The following SEMA4B variants were observed in gnomAD, a reference collection of about 807,000 sequenced individuals.
SEMA4B encodes the protein semaphorin-4B.
SEMA4B carries 55 observed loss-of-function variants against 88.1 expected under a neutral mutation model. The ratio of observed to expected loss-of-function variants is 0.62; its 90% CI spans 0.50 to 0.78. The LOEUF (loss-of-function observed/expected upper bound fraction) is 0.78. Among genes scored for constraint, SEMA4B ranks in the 30% least tolerant of loss-of-function variants. The pLI is 0.00. For missense variants in SEMA4B, 1,062 were observed against 1,111.9 expected (o/e 0.96, Z 0.64); for synonymous variants, 525 against 473.6 (o/e 1.11, Z -1.41).
intron 1 of SEMA4B, among the ~76,000 whole-genome samples, chr15:90,195,909 C>T (rs1960484605): frequency 1.4e-5 from 2 of 143,680 alleles, no homozygotes; most frequent in Admixed American, 7.1e-5. Flanking sequence ...TGGGCCCAGC[C>T]TGTTTTGTAC....
At chr15:90,219,411 G>A in intron 3 of SEMA4B, 1 of 184,986 alleles carries the variant, frequency 5.4e-6, no homozygotes. Context: ...TCAGGGTTCA[G>A]GGCTGAGCAG....
rs745939127 is a variant in SEMA4B at position 90,219,790 on chromosome 15, C to T, written c.385-3C>T. The T allele has an allele frequency of 2.5e-6, 4 of 1,611,938 alleles. No homozygotes were observed. The South Asian group carries it at 3.3e-5, about 13-fold the overall frequency. Reference sequence around the variant, plus strand: ...CTGATATCCCCTCGCTCCTTCCCCCCAGCGCGACTGTCAAAACTACATCAA... The same window carrying T: ...CTGATATCCCCTCGCTCCTTCCCCCTAGCGCGACTGTCAAAACTACATCAA... On this transcript the variant is annotated splice_polypyrimidine_tract_variant and splice_region_variant and intron_variant, in intron 3 of 13. Transcript: ENST00000411539.
chr15:90,212,840 C>T lies in SEMA4B; in HGVS notation c.158-4599C>T, dbSNP rs1961340378. ...CTGTTTCTGAGCTGATGCCGTCTGGCTTTGGCCATGAGACCCTCGTGTGAC... is the reference window on the plus strand; with the variant it reads ...CTGTTTCTGAGCTGATGCCGTCTGGTTTTGGCCATGAGACCCTCGTGTGAC... On this transcript the variant is annotated intron_variant, in intron 1 of 13. Transcript: ENST00000411539. The surrounding 1 kb of genome is among the most constrained non-coding windows in gnomAD (Gnocchi z 4.0). Among the ~76,000 whole-genome samples the T allele has an allele frequency of 6.6e-6, 1 of 152,258 alleles. No homozygotes were observed. The highest frequency in any genetic ancestry group is 6.5e-5 in the Admixed American group (1 of 15,280).
chr15:90,228,755 G>C lies in SEMA4B; in HGVS notation c.*112G>C. On this transcript the variant is annotated 3_prime_UTR_variant, in exon 14 of 14. Transcript: ENST00000411539. The stretch of plus-strand genomic sequence containing the variant: ...TTCGTGGAACACGACCGTGGTGCCC[G>C]GCCCTTGGGAGCCTTGGGGCCAGCT... 1.4e-6 allele frequency: 2 copies of C among 1,435,446 alleles called. No homozygotes were observed. Among genetic ancestry groups the C allele is most frequent in the East Asian group, 2.3e-5 (1 of 42,812 alleles). The allele number at this position is 1,435,446 out of a possible 1,614,324, so 88.9% of individuals were successfully genotyped here.
intron 4 of SEMA4B, chr15:90,220,367 C>CTTTTTTTTTTTTTTTTTTT (rs1320090623): frequency 8.0e-6 from 1 of 125,272 alleles, no homozygotes; most frequent in Non-Finnish European, 1.6e-5. Flanking sequence ...TTTTTCTTTT[C>CTTTTTTTTTTTTTTTTTTT]TTTTTTTTTT....
At position 90,212,449 on chromosome 15, in the gene SEMA4B, A is replaced by C. The variant is rs1306589818; in HGVS notation, c.158-4990A>C. 6.6e-6 allele frequency among the ~76,000 whole-genome samples: 1 copy of C among 152,108 alleles called. No homozygotes were observed. The highest frequency in any genetic ancestry group is 6.5e-5 in the Admixed American group (1 of 15,284). On this transcript the variant is annotated intron_variant, in intron 1 of 13. Coordinates refer to ENST00000411539, the MANE Select transcript of SEMA4B (RefSeq NM_198925.4). This position sits in a 1 kb window ranked among gnomAD's most constrained non-coding sequence, Gnocchi z 4.0. The stretch of plus-strand genomic sequence containing the variant: ...CCCACTGGATAGATGGATTTAGAGG[A>C]TGTCCGAGCAGCACAGGCAGCCCAG...
intron 1 of SEMA4B, among the ~76,000 whole-genome samples, chr15:90,216,841 C>T (rs1040246712): frequency 6.7e-6 from 1 of 148,988 alleles, no homozygotes; most frequent in Admixed American, 6.9e-5. Flanking sequence ...GAGACTTCGT[C>T]TCAAAAAAAA....
intron 12 of SEMA4B, 72 bp from the exon 13 acceptor site, chr15:90,227,485 T>C: frequency 4.9e-6 from 7 of 1,442,148 alleles, no homozygotes; most frequent in Non-Finnish European, 6.7e-6. Context: ...GGCCCAAGTC[T>C]GCAGTGAGGG....
chr15:90,223,970 C>T lies in SEMA4B; in HGVS notation c.1176C>T (p.Pro392=). 3 of 1,613,160 alleles carry T rather than the reference C, an allele frequency of 1.9e-6. No individual in the cohort carries two copies. The highest frequency in any genetic ancestry group is 2.5e-6 in the Non-Finnish European group (3 of 1,179,754). The change falls in exon 9 of 14, where the codon CCC becomes CCT. Residue 392 remains proline, a synonymous_variant. Transcript: ENST00000411539. ...GGTACACCGTGACCCACCCGGTGCCCACACCCCGGCCTGGAGCGGTGGGTA... is the reference window on the plus strand; with the variant it reads ...GGTACACCGTGACCCACCCGGTGCCTACACCCCGGCCTGGAGCGGTGGGTA... ...QQWYTVTHPV[P]TPRPGACITN... is the part of the protein sequence containing the mutation.
At chr15:90,224,595 C>T (rs1017326040) in intron 9 of SEMA4B, among the ~76,000 whole-genome samples, 2 of 152,156 alleles carry the variant, frequency 1.3e-5, no homozygotes, top group South Asian at 4.1e-4. Flanking sequence ...AAGCCTCAGG[C>T]GGGGCAGGAA....
intron 12 of SEMA4B, 123 bp downstream of exon 12, chr15:90,225,950 T>C (rs1962154763): frequency 1.4e-6 from 1 of 711,684 alleles, no homozygotes; most frequent in Non-Finnish European, 2.1e-6. Context: ...CTCAGCATAA[T>C]TATTAATTAG....
chr15:90,185,980 C>A (rs1045283359), intron 1 of SEMA4B, among the ~76,000 whole-genome samples: 14 of 121,568 alleles, frequency 1.2e-4, no homozygotes, highest in Non-Finnish European at 2.2e-4. Context: ...ATCCTCCAGG[C>A]TACAGTGCAG....
chr15:90,217,395 A>C, intron 1 of SEMA4B, 44 bp from the exon 2 acceptor site: 1 of 1,581,484 alleles, frequency 6.3e-7, no homozygotes, highest in Non-Finnish European at 8.6e-7. Context: ...GAGGCTTCCC[A>C]TGGGAGGGGT....
At chr15:90,211,293 C>T (rs1428503631) in intron 1 of SEMA4B, among the ~76,000 whole-genome samples, 1 of 152,202 alleles carries the variant, frequency 6.6e-6, no homozygotes, top group Non-Finnish European at 1.5e-5. Flanking sequence ...GGCAGAGGCT[C>T]TTCGTCTGCC....
chr15:90,190,603 C>A (rs1300633481), intron 1 of SEMA4B: 1 of 152,316 alleles, frequency 6.6e-6, no homozygotes, highest in Non-Finnish European at 1.5e-5. Flanking sequence ...GGGCCCTGGC[C>A]TGTTCCTTTT....
At chr15:90,227,046 T>C (rs550049741) in intron 12 of SEMA4B, among the ~76,000 whole-genome samples, 1 of 152,064 alleles carries the variant, frequency 6.6e-6, no homozygotes, top group Non-Finnish European at 1.5e-5. Flanking sequence ...CATACTATTT[T>C]TTATTATTAT....
At chr15:90,211,257 C>T (rs1287246036) in intron 1 of SEMA4B, among the ~76,000 whole-genome samples, 16 of 152,164 alleles carry the variant, frequency 1.1e-4, no homozygotes, top group Admixed American at 1.0e-3. Context: ...GGCCCTAGGT[C>T]GGGACTGGGA....
intron 10 of SEMA4B, 30 bp downstream of exon 10, chr15:90,225,208 G>A: frequency 6.4e-7 from 1 of 1,566,616 alleles, no homozygotes; most frequent in Non-Finnish European, 8.7e-7. Flanking sequence ...CAGGCTCAGG[G>A]GAAGGGGTGC....
intron 1 of SEMA4B, among the ~76,000 whole-genome samples, chr15:90,185,756 C>A (rs1273669849): frequency 6.6e-6 from 1 of 152,016 alleles, no homozygotes; most frequent in Non-Finnish European, 1.5e-5. Context: ...AAGTTTTTTT[C>A]CCCATAATGC....
Sources: gnomAD v4.1 joint callset for allele counts (sites outside exome capture counted in the v4.1 genomes callset) on GRCh38, gnomAD v4.1.1 for gene constraint, Gnocchi (gnomAD v3.1) non-coding constraint, MANE v1.5 for transcripts, NCBI Gene and HGNC (gene_info 2026-07-23, HGNC 2026-07-21) for gene names.